The following PLD5 variants were observed in gnomAD, a reference collection of about 807,000 sequenced individuals.
PLD5 encodes the protein inactive phospholipase D5.
A neutral mutation model predicts 61.1 loss-of-function variants in PLD5; 36 were observed. That is an observed-to-expected ratio of 0.59 (90% CI 0.45 to 0.78). The LOEUF (loss-of-function observed/expected upper bound fraction) is 0.78, where lower values mean the gene tolerates loss of function less well. Among genes scored for constraint, PLD5 ranks in the 30% least tolerant of loss-of-function variants. The pLI, the probability that PLD5 is intolerant of heterozygous loss-of-function variation, is 0.00. For missense variants in PLD5, 515 were observed against 644.4 expected, an observed-to-expected ratio of 0.80 and a Z score of 2.17; for synonymous variants, 243 against 242.8, an observed-to-expected ratio of 1.00 and a Z score of -0.01.
chr1:242,164,571 T>C (rs1666162597), intron 5 of PLD5, among the ~76,000 whole-genome samples: 2 of 152,152 alleles, frequency 1.3e-5, no homozygotes, highest in South Asian at 4.1e-4. Context: ...GCAATAATGT[T>C]ATTTATCTGT....
intron 2 of PLD5, among the ~76,000 whole-genome samples, chr1:242,300,915 C>T (rs1183920169): frequency 1.3e-5 from 2 of 152,116 alleles, no homozygotes; most frequent in Non-Finnish European, 2.9e-5. Flanking sequence ...AATATGGGCA[C>T]CCTTGAGGGA....
At position 242,112,303 on chromosome 1, in the gene PLD5, GTGT is replaced by G. The variant is rs755841966; in HGVS notation, c.1070+1584_1070+1586del. 1.5e-3 allele frequency among the ~76,000 whole-genome samples: 180 copies of G among 117,900 alleles called. No individual in the cohort carries two copies. In the East Asian group the frequency reaches 0.037, roughly 24 times the overall value. The allele number at this position is 117,900 out of a possible 152,430, so 77.3% of individuals were successfully genotyped here. A position where few individuals can be genotyped will look rare whatever the true frequency, so the allele number is the denominator to read the frequency against. ...ATGCACTGTGTGTGTGTGTGTGTGT[GTGT>G]GTGTGTGTGTGTGTGTGTATGTATG... On this transcript the variant is annotated intron_variant, in intron 7 of 9. Coordinates refer to ENST00000536534, the MANE Select transcript of PLD5 (RefSeq NM_001372062.1).
intron 1 of PLD5, among the ~76,000 whole-genome samples, chr1:242,376,672 T>C (rs1225381803): frequency 6.6e-6 from 1 of 152,166 alleles, no homozygotes; most frequent in Non-Finnish European, 1.5e-5. Flanking sequence ...TAAATACTGA[T>C]ACAAACATGT....
At chr1:242,214,510 C>A (rs529636856) in intron 5 of PLD5, among the ~76,000 whole-genome samples, 4 of 152,172 alleles carry the variant, frequency 2.6e-5, no homozygotes, top group African/African-American at 9.7e-5. Context: ...CTGCCTGGCC[C>A]ATTGGCTTAT....
At chr1:242,090,500 G>A (rs949121792) in intron 9 of PLD5, among the ~76,000 whole-genome samples, 1 of 152,168 alleles carries the variant, frequency 6.6e-6, no homozygotes, top group Non-Finnish European at 1.5e-5. Context: ...TAATCCATGT[G>A]AACAAATGAG....
intron 2 of PLD5, among the ~76,000 whole-genome samples, chr1:242,339,734 T>TA (rs747070282): frequency 7.9e-5 from 12 of 152,258 alleles, no homozygotes; most frequent in South Asian, 4.1e-4. Flanking sequence ...TCCTCTGAGA[T>TA]AAAAATCGAA....
intron 4 of PLD5, among the ~76,000 whole-genome samples, chr1:242,260,057 G>A (rs1355905385): frequency 6.6e-6 from 1 of 152,102 alleles, no homozygotes; most frequent in African/African-American, 2.4e-5. Context: ...CGGGACTTAA[G>A]AGAATTGTTG....
chr1:242,384,905 G>A (rs1662512547), intron 1 of PLD5, among the ~76,000 whole-genome samples: 1 of 152,316 alleles, frequency 6.6e-6, no homozygotes, highest in African/African-American at 2.4e-5. Context: ...ATTCTTGCTA[G>A]TAGTAATATC....
At chr1:242,432,036 G>A (rs1665749632) in intron 1 of PLD5, among the ~76,000 whole-genome samples, 1 of 152,122 alleles carries the variant, frequency 6.6e-6, no homozygotes, top group Non-Finnish European at 1.5e-5. Flanking sequence ...ACAGGAAAGG[G>A]GGCACAACGG....
chr1:242,489,387 CAG>C (rs779420871), intron 1 of PLD5, among the ~76,000 whole-genome samples: 1 of 128,774 alleles, frequency 7.8e-6, no homozygotes, highest in Non-Finnish European at 1.7e-5. Flanking sequence ...AAAAAAAAAA[CAG>C]AGAAAAAACA....
chr1:242,429,990 A>G (rs2796075), intron 1 of PLD5, among the ~76,000 whole-genome samples: 103,533 of 152,046 alleles, frequency 0.68, 36,100 homozygotes, highest in African/African-American at 0.83. Context: ...GCTTGACCAC[A>G]GAAAGCATTA....
chr1:242,522,826 G>A (rs2103014135), intron 1 of PLD5, among the ~76,000 whole-genome samples: 1 of 152,258 alleles, frequency 6.6e-6, no homozygotes. Flanking sequence ...AGGATATGAG[G>A]CATCCCTTTG....
At chr1:242,246,890 C>T (rs1672399627) in intron 4 of PLD5, among the ~76,000 whole-genome samples, 1 of 151,856 alleles carries the variant, frequency 6.6e-6, no homozygotes, top group African/African-American at 2.4e-5. Flanking sequence ...CAGATCAATA[C>T]ATGGAAGGCA....
chr1:242,170,240 GGC>G (rs1666648506), intron 5 of PLD5, among the ~76,000 whole-genome samples: 7 of 152,214 alleles, frequency 4.6e-5, no homozygotes, highest in African/African-American at 7.2e-5. Context: ...AAAAAGAACA[GGC>G]AGCAATCTTT....
At chr1:242,329,528 T>C (rs1361897243) in intron 2 of PLD5, among the ~76,000 whole-genome samples, 2 of 152,178 alleles carry the variant, frequency 1.3e-5, no homozygotes, top group Non-Finnish European at 2.9e-5. Context: ...CACGGGACAC[T>C]ACCATATTCA....
At chr1:242,510,680 C>G (rs1464297549) in intron 1 of PLD5, among the ~76,000 whole-genome samples, 2 of 152,074 alleles carry the variant, frequency 1.3e-5, no homozygotes, top group African/African-American at 4.8e-5. Context: ...CCCGTCTCTA[C>G]TAAAAATACA....
chr1:242,166,883 C>T (rs2148863827), intron 5 of PLD5, among the ~76,000 whole-genome samples: 1 of 152,158 alleles, frequency 6.6e-6, no homozygotes, highest in Admixed American at 6.5e-5. Context: ...TTATGAGCCA[C>T]TGTAGTTAGT....
chr1:242,497,024 A>C (rs1378012791), intron 1 of PLD5, among the ~76,000 whole-genome samples: 1 of 152,202 alleles, frequency 6.6e-6, no homozygotes, highest in African/African-American at 2.4e-5. Context: ...CAGAAGCCCA[A>C]GCAGACAGTT....
intron 6 of PLD5, among the ~76,000 whole-genome samples, chr1:242,118,597 T>C (rs1246536049): frequency 2.0e-5 from 3 of 152,250 alleles, no homozygotes; most frequent in Non-Finnish European, 2.9e-5. Context: ...GCATAAATGT[T>C]GGAGGTTTGT....
Sources: allele counts gnomAD v4.1 joint callset (sites outside exome capture counted in the v4.1 genomes callset), GRCh38; gene constraint gnomAD v4.1.1; transcripts MANE v1.5; gene names NCBI Gene and HGNC (gene_info 2026-07-23, HGNC 2026-07-21).